Variants in DNAH7 observed in about 807,000 individuals in gnomAD.
DNAH7 encodes dynein axonemal heavy chain 7, also known as axonemal beta dynein heavy chain 7.
Under a neutral mutation model 444.6 loss-of-function variants are expected in DNAH7, and 397 were observed. That is an observed-to-expected ratio of 0.89 (90% CI 0.82 to 0.97). DNAH7 has a LOEUF of 0.97. Ranked by LOEUF, DNAH7 falls within the 50% of genes least tolerant of loss-of-function variation. The pLI is 0.00. For synonymous variants in DNAH7, 1,636 were observed against 1,624.4 expected (o/e 1.01, Z -0.17); for missense variants, 4,902 against 4,800.8 (o/e 1.02, Z -0.62).
chr2:195,907,001 T>C lies in DNAH7; in HGVS notation c.4113A>G (p.Leu1371=), dbSNP rs772652409. 1 of 1,611,382 alleles carries C rather than the reference T, an allele frequency of 6.2e-7. No homozygotes were observed. The highest frequency in any genetic ancestry group is 1.1e-5 in the South Asian group (1 of 90,788). The change falls in exon 26 of 65, where the codon TTA becomes TTG. Residue 1371 remains leucine, a synonymous_variant. Transcript: ENST00000312428. ...LALGKFFKGL[L]SCGAWACFDE... is the part of the protein sequence containing the mutation. ...CAAAGCAAGCCCAGGCTCCACAAGA[T>C]AACAGTCCCTATGAGAAAAGAGTAA...
intron 5 of DNAH7, among the ~76,000 whole-genome samples, chr2:196,046,120 G>C (rs1350876817): frequency 6.6e-6 from 1 of 151,654 alleles, no homozygotes; most frequent in East Asian, 1.9e-4. Flanking sequence ...ATATCACAAA[G>C]CTCCTTTTAA....
chr2:195,816,194 A>G (rs1199231515), intron 51 of DNAH7, among the ~76,000 whole-genome samples: 1 of 152,218 alleles, frequency 6.6e-6, no homozygotes, highest in Non-Finnish European at 1.5e-5. Flanking sequence ...TACCACAAAT[A>G]ATCGCAACAA....
intron 16 of DNAH7, 48 bp downstream of exon 16, chr2:195,972,194 A>C: frequency 2.0e-6 from 3 of 1,521,106 alleles, no homozygotes; most frequent in Non-Finnish European, 2.7e-6. Context: ...AAAAAGATAA[A>C]AACAAAACAT....
At chr2:196,021,355 T>C (rs1695369878) in intron 8 of DNAH7, among the ~76,000 whole-genome samples, 1 of 152,194 alleles carries the variant, frequency 6.6e-6, no homozygotes. Context: ...GAACAATTAG[T>C]TGTATAGAGG....
At position 196,059,930 on chromosome 2, in the gene DNAH7, T is replaced by C. The variant is rs139499318; in HGVS notation, c.16-1814A>G. Among the ~76,000 whole-genome samples the C allele has an allele frequency of 1.5e-4, 23 of 152,244 alleles. No homozygotes were observed. In the South Asian group the frequency reaches 4.8e-3, roughly 32 times the overall value. ...ATTCTGGTTAATATTAAACCTATGTTTCTGGCTGGGCGCAGTGGCTCATGC... is the reference window on the plus strand; with the variant it reads ...ATTCTGGTTAATATTAAACCTATGTCTCTGGCTGGGCGCAGTGGCTCATGC... On this transcript the variant is annotated intron_variant, in intron 1 of 64. Transcript: ENST00000312428.
intron 58 of DNAH7, among the ~76,000 whole-genome samples, chr2:195,778,359 C>T (rs917651868): frequency 1.3e-5 from 2 of 151,110 alleles, no homozygotes; most frequent in African/African-American, 2.4e-5. Context: ...TTCAGAGGGC[C>T]GGGCATGGTG....
chr2:195,976,783 G>GAGAGAGAGAGAGAGAC (rs1692236170), intron 15 of DNAH7, among the ~76,000 whole-genome samples: 4 of 145,202 alleles, frequency 2.8e-5, no homozygotes, highest in East Asian at 2.3e-4. Flanking sequence ...GAGAGAGAGA[G>GAGAGAGAGAGAGAGAC]AGAGACTCTC....
chr2:195,745,160 A>G (rs972931242), intron 63 of DNAH7, among the ~76,000 whole-genome samples: 2 of 152,228 alleles, frequency 1.3e-5, no homozygotes, highest in African/African-American at 4.8e-5. Flanking sequence ...AAGTGCTTAA[A>G]GGAGCTGATG....
At chr2:195,923,846 A>G (rs750114502) in intron 22 of DNAH7, 39 bp from the exon 23 acceptor site, 2 of 1,565,000 alleles carry the variant, frequency 1.3e-6, no homozygotes, top group African/African-American at 1.4e-5. Flanking sequence ...TCCCAATGTG[A>G]TCAAAATTAT....
chr2:195,908,166 A>C (rs1049881778), intron 25 of DNAH7, among the ~76,000 whole-genome samples: 2 of 152,130 alleles, frequency 1.3e-5, no homozygotes, highest in Non-Finnish European at 2.9e-5. Context: ...GACATTTAAT[A>C]ATGTGATGGC....
At chr2:195,802,729 T>C (rs575054183) in intron 54 of DNAH7, among the ~76,000 whole-genome samples, 16 of 152,076 alleles carry the variant, frequency 1.1e-4, no homozygotes, top group South Asian at 6.2e-4. Flanking sequence ...TATAAACTTA[T>C]AGGGTGCAAG....
rs370194780 is a variant in DNAH7 at position 195,875,805 on chromosome 2, C to T, written c.6156G>A (p.Glu2052=). 5 of 1,612,030 alleles carry T rather than the reference C, an allele frequency of 3.1e-6. No individual in the cohort carries two copies. In the African/African-American group the frequency reaches 5.3e-5, roughly 17 times the overall value. ...FVDDVNMPAR[E]VYGAQPPIEL... is the part of the protein sequence containing the mutation. ...CAATGGGAGGTTGAGCCCCATATAC[C>T]TCCCGAGCAGGCATATTGACATCAT... Residue 2052 remains glutamate (E), a synonymous_variant, in exon 38 of 65, where the codon GAG becomes GAA. Coordinates refer to ENST00000312428, the MANE Select transcript of DNAH7 (RefSeq NM_018897.3).
intron 1 of DNAH7, among the ~76,000 whole-genome samples, chr2:196,061,319 C>A (rs1190615519): frequency 4.6e-5 from 7 of 152,074 alleles, no homozygotes; most frequent in Non-Finnish European, 1.0e-4. Flanking sequence ...TGGAATCTCC[C>A]AAATTTATCT....
intron 35 of DNAH7, among the ~76,000 whole-genome samples, chr2:195,884,028 G>C (rs1289394820): frequency 6.6e-6 from 1 of 152,182 alleles, no homozygotes; most frequent in Admixed American, 6.5e-5. Context: ...TGCCCATTGG[G>C]AATGTGGTAT....
intron 47 of DNAH7, among the ~76,000 whole-genome samples, chr2:195,835,300 C>A (rs868669120): frequency 1.4e-4 from 21 of 147,374 alleles, no homozygotes; most frequent in African/African-American, 4.0e-4. Flanking sequence ...TAAAAAAAAA[C>A]CCACAAAAAA....
rs1241893715 is a variant in DNAH7, at chr2:195,787,132, G to A, written c.10756C>T (p.His3586Tyr). ...KKLLYGLCFF[H>Y]ALVQERRKFG... is the part of the protein sequence containing the mutation. Reference sequence around the variant, plus strand: ...TTCCGTCTTTCTTGTACCAAAGCATGAAAGAAACACAGGCCATAAAGCAAT... The same window carrying A: ...TTCCGTCTTTCTTGTACCAAAGCATAAAAGAAACACAGGCCATAAAGCAAT... Residue 3586 changes from histidine to tyrosine, a missense_variant, in exon 58 of 65, where the codon CAT (histidine) becomes TAT (tyrosine). By Grantham distance (83) the His-to-Tyr change is moderately conservative. Coordinates refer to ENST00000312428, the MANE Select transcript of DNAH7 (RefSeq NM_018897.3). 6.2e-7 allele frequency: 1 copy of A among 1,607,542 alleles called. No homozygotes were observed. Among genetic ancestry groups the A allele is most frequent in the Admixed American group, 1.7e-5 (1 of 57,564 alleles).
chr2:196,016,977 T>C (rs1024127080), intron 9 of DNAH7, among the ~76,000 whole-genome samples: 2 of 152,166 alleles, frequency 1.3e-5, no homozygotes, highest in Non-Finnish European at 2.9e-5. Flanking sequence ...ATGTAGGATA[T>C]GAGCGAGAGT....
At chr2:195,912,641 AAC>A (rs546181297) in intron 24 of DNAH7, among the ~76,000 whole-genome samples, 236 of 152,322 alleles carry the variant, frequency 1.5e-3, no homozygotes, top group African/African-American at 5.5e-3. Flanking sequence ...GGCTTTAAGG[AAC>A]CCGCATAAAC....
chr2:195,749,537 G>A (rs1042352766), intron 63 of DNAH7, among the ~76,000 whole-genome samples: 1 of 152,116 alleles, frequency 6.6e-6, no homozygotes, highest in Non-Finnish European at 1.5e-5. Context: ...GCACACATAT[G>A]TTTATTGCAG....
Sources: gnomAD v4.1 joint callset for allele counts (sites outside exome capture counted in the v4.1 genomes callset) on GRCh38, gnomAD v4.1.1 for gene constraint, MANE v1.5 for transcripts, NCBI Gene and HGNC (gene_info 2026-07-23, HGNC 2026-07-21) for gene names.